The following CCDC171 variants were observed in gnomAD, a reference collection of about 807,000 sequenced individuals.
The protein encoded by CCDC171 is coiled-coil domain containing 171, also known as coiled-coil domain-containing protein 171.
Under a neutral mutation model 168.2 loss-of-function variants are expected in CCDC171, and 177 were observed. The observed-to-expected ratio is 1.05, with a 90% CI of 0.93 to 1.19. The LOEUF is 1.19. Among genes scored for constraint, CCDC171 ranks in the 50% most tolerant of loss-of-function variants. The probability of loss-of-function intolerance (pLI) is 0.00; values close to 1 mark genes in which losing one functional copy is unlikely to be tolerated. For synonymous variants in CCDC171, 687 were observed against 540.8 expected, an observed-to-expected ratio of 1.27 and a Z score of -3.75; for missense variants, 1,991 against 1,539.0, an observed-to-expected ratio of 1.29 and a Z score of -4.91.
the CCDC171 span, among the ~76,000 whole-genome samples, chr9:16,088,167 C>T: frequency 6.6e-6 from 1 of 152,154 alleles, no homozygotes; most frequent in East Asian, 1.9e-4. Flanking sequence ...TGATAAAATT[C>T]AACTCTGCTT....
At chr9:16,046,435 T>A (rs1833660155) in intron 1 of CCDC171, among the ~76,000 whole-genome samples, 1 of 152,290 alleles carries the variant, frequency 6.6e-6, no homozygotes, top group South Asian at 2.1e-4. Flanking sequence ...ACTGATAGTA[T>A]TTTGGAAAAG....
chr9:15,855,497 T>G (rs2130880430), intron 23 of CCDC171, among the ~76,000 whole-genome samples: 1 of 151,934 alleles, frequency 6.6e-6, no homozygotes, highest in Non-Finnish European at 1.5e-5. Flanking sequence ...AAACATTCAT[T>G]TTGCTAACTT....
At chr9:15,656,995 C>G in intron 7 of CCDC171, 132 bp from the exon 8 acceptor site, 1 of 455,360 alleles carries the variant, frequency 2.2e-6, no homozygotes, top group Non-Finnish European at 3.9e-6. Context: ...ACATTCCATT[C>G]TTGCAAAGAA....
chr9:15,781,879 T>C (rs915366873), intron 20 of CCDC171, among the ~76,000 whole-genome samples: 5 of 152,306 alleles, frequency 3.3e-5, no homozygotes, highest in South Asian at 4.1e-4. Context: ...TTATTATTTC[T>C]AATTTACAGA....
intron 6 of CCDC171, among the ~76,000 whole-genome samples, chr9:15,599,629 G>A (rs2042669961): frequency 6.6e-6 from 1 of 152,012 alleles, no homozygotes; most frequent in Non-Finnish European, 1.5e-5. Context: ...TATGTGTCTT[G>A]GAGTTGCTCC....
At position 15,695,336 on chromosome 9, in the gene CCDC171, A is replaced by G. The variant is rs1426204108; in HGVS notation, c.1317A>G (p.Ser439=). The G allele has an allele frequency of 2.5e-6, 4 of 1,611,350 alleles. No individual in the cohort carries two copies. The highest frequency in any genetic ancestry group is 1.3e-5 in the African/African-American group (1 of 74,890). The part of the protein sequence containing the change: ...DSFTVSGQWT[S]GIHKDKDKPP... ...TTACTGTGTCGGGCCAGTGGACATC[A>G]GGTTAGTTGAAGGTATAAAATGACA... Residue 439 remains serine, a splice_region_variant and synonymous_variant, in exon 11 of 26, where the codon TCA becomes TCG. Transcript: ENST00000380701.
At chr9:15,604,046 C>T (rs939026659) in intron 6 of CCDC171, among the ~76,000 whole-genome samples, 1 of 144,816 alleles carries the variant, frequency 6.9e-6, no homozygotes, top group East Asian at 2.0e-4. Context: ...GCATGTATGT[C>T]TTTTTTTTTG....
chr9:15,834,224 A>C (rs1419876495), intron 21 of CCDC171, among the ~76,000 whole-genome samples: 1 of 152,200 alleles, frequency 6.6e-6, no homozygotes, highest in African/African-American at 2.4e-5. Flanking sequence ...CAATCATAGT[A>C]ACCAACCTTA....
At position 15,973,902 on chromosome 9, in the gene CCDC171, GT is replaced by G. The variant is rs1187716228; in HGVS notation, c.*2070del. The stretch of plus-strand genomic sequence containing the variant: ...GTGTGTGTATGCTTGTGTTGAATCT[GT>G]TTTCAGATCCTACTGATTTTAGAGG... On this transcript the variant is annotated 3_prime_UTR_variant, in exon 26 of 26. Transcript: ENST00000380701. 4 of 152,074 alleles carry G rather than the reference GT, an allele frequency of 2.6e-5. No individual in the cohort carries two copies. Among genetic ancestry groups the G allele is most frequent in the African/African-American group, 7.2e-5 (3 of 41,398 alleles). The allele number at this position is 152,074 out of a possible 1,614,324, so 9.4% of individuals were successfully genotyped here. A position where few individuals can be genotyped will look rare whatever the true frequency, so the allele number is the denominator to read the frequency against.
chr9:16,086,081 C>T, the CCDC171 span, among the ~76,000 whole-genome samples: 3 of 152,044 alleles, frequency 2.0e-5, no homozygotes, highest in African/African-American at 7.2e-5. Flanking sequence ...CCGTCTGGTC[C>T]TGGACTTTTT....
At chr9:15,607,859 T>G (rs1490228400) in intron 6 of CCDC171, among the ~76,000 whole-genome samples, 1 of 152,216 alleles carries the variant, frequency 6.6e-6, no homozygotes, top group East Asian at 1.9e-4. Flanking sequence ...TGTGCCATAA[T>G]TTACTCATTA....
chr9:15,845,023 A>T (rs193106520), intron 21 of CCDC171, among the ~76,000 whole-genome samples: 28 of 152,218 alleles, frequency 1.8e-4, no homozygotes, highest in African/African-American at 6.7e-4. Context: ...GGAAGAACTC[A>T]AGCTTTATCC....
chr9:15,678,012 C>A (rs1378754754), intron 9 of CCDC171, among the ~76,000 whole-genome samples: 1 of 146,482 alleles, frequency 6.8e-6, no homozygotes, highest in South Asian at 2.2e-4. Context: ...TGGGCTCAAG[C>A]AATCCTCCTG....
At chr9:15,730,515 G>C (rs189403899) in intron 16 of CCDC171, among the ~76,000 whole-genome samples, 2 of 151,690 alleles carry the variant, frequency 1.3e-5, no homozygotes, top group African/African-American at 4.8e-5. Context: ...CCTAAGTTAG[G>C]ATACTTAGGA....
intron 25 of CCDC171, among the ~76,000 whole-genome samples, chr9:15,950,595 A>G (rs1347221995): frequency 2.0e-5 from 3 of 152,104 alleles, no homozygotes; most frequent in Non-Finnish European, 2.9e-5. Context: ...TCACCACCAG[A>G]CCTGCCCTAA....
chr9:15,716,161 ATACCT>A (rs2053071310), intron 11 of CCDC171, among the ~76,000 whole-genome samples: 1 of 152,198 alleles, frequency 6.6e-6, no homozygotes, highest in South Asian at 2.1e-4. Flanking sequence ...ACCACTTTAG[ATACCT>A]TATATTAAGC....
intron 18 of CCDC171, among the ~76,000 whole-genome samples, chr9:15,751,065 A>G (rs779980113): frequency 1.3e-5 from 2 of 152,246 alleles, no homozygotes; most frequent in Non-Finnish European, 2.9e-5. Flanking sequence ...CTGATAAGCA[A>G]CTTCAGCAAA....
At chr9:15,877,988 A>T (rs967435904) in intron 24 of CCDC171, among the ~76,000 whole-genome samples, 2 of 152,192 alleles carry the variant, frequency 1.3e-5, no homozygotes, top group African/African-American at 4.8e-5. Context: ...TCCAAGATGG[A>T]TAAAAGACTT....
intron 11 of CCDC171, among the ~76,000 whole-genome samples, chr9:15,712,151 A>G (rs1450504514): frequency 6.6e-6 from 1 of 152,226 alleles, no homozygotes; most frequent in East Asian, 1.9e-4. Flanking sequence ...TATTCTCTTC[A>G]GACCTTCAAC....
Sources: gnomAD v4.1 joint callset for allele counts (sites outside exome capture counted in the v4.1 genomes callset) on GRCh38, gnomAD v4.1.1 for gene constraint, MANE v1.5 for transcripts, NCBI Gene and HGNC (gene_info 2026-07-23, HGNC 2026-07-21) for gene names.